Variants in KIF3B observed in about 807,000 individuals in gnomAD.
KIF3B encodes kinesin family member 3B.
KIF3B carries 38 observed loss-of-function variants against 74.3 expected under a neutral mutation model. The observed-to-expected ratio is 0.51, with a 90% confidence interval of 0.39 to 0.67. The LOEUF is 0.67. KIF3B is among the 30% of genes least tolerant of loss of function. KIF3B has a pLI of 0.00. For synonymous variants in KIF3B, 326 were observed against 342.5 expected (o/e 0.95, Z 0.53); for missense variants, 649 against 932.0 (o/e 0.70, Z 3.95).
At chr20:32,302,298 G>A (rs2122679902) in intron 1 of KIF3B, among the ~76,000 whole-genome samples, 1 of 152,314 alleles carries the variant, frequency 6.6e-6, no homozygotes, top group African/African-American at 2.4e-5. Context: ...GTTCAGTCTA[G>A]CTGGGTGAGT....
At chr20:32,287,313 A>G (rs1416540493) in intron 1 of KIF3B, among the ~76,000 whole-genome samples, 1 of 147,716 alleles carries the variant, frequency 6.8e-6, no homozygotes, top group Non-Finnish European at 1.5e-5. Context: ...ACCAGGCCCA[A>G]TCTATTTTTT....
chr20:32,323,431 C>A (rs1013223531), intron 5 of KIF3B, among the ~76,000 whole-genome samples: 13 of 151,628 alleles, frequency 8.6e-5, no homozygotes, highest in African/African-American at 3.1e-4. Flanking sequence ...GACAGAGTCT[C>A]ACTTTGTCGC....
chr20:32,323,044 TTA>T (rs1170368031), intron 5 of KIF3B, among the ~76,000 whole-genome samples: 2 of 58,068 alleles, frequency 3.4e-5, no homozygotes, highest in African/African-American at 2.0e-4. Flanking sequence ...ATATTTATAT[TTA>T]TATATATTTA....
At chr20:32,279,821 A>T (rs1451154072) in intron 1 of KIF3B, among the ~76,000 whole-genome samples, 2 of 152,218 alleles carry the variant, frequency 1.3e-5, no homozygotes, top group Non-Finnish European at 2.9e-5. Flanking sequence ...CCTCATTAAA[A>T]TGAGGGGACT....
At chr20:32,328,695 C>A (rs1425972592) in intron 7 of KIF3B, among the ~76,000 whole-genome samples, 1 of 151,684 alleles carries the variant, frequency 6.6e-6, no homozygotes, top group Non-Finnish European at 1.5e-5. Flanking sequence ...CAATGAACTT[C>A]AAAATGGCTC....
intron 2 of KIF3B, among the ~76,000 whole-genome samples, chr20:32,313,971 G>T (rs1336000740): frequency 6.6e-6 from 1 of 152,156 alleles, no homozygotes; most frequent in Non-Finnish European, 1.5e-5. Flanking sequence ...GTCTCCCAAA[G>T]TGTCAGGATT....
In KIF3B at chr20:32,330,178, G is replaced by T; in HGVS notation, c.2006G>T (p.Ser669Ile). ...NIVLLELDMP[S>I]RTTRDYEGPA... Reference sequence around the variant, plus strand: ...GTGCTGTTAGAGCTGGACATGCCCAGCCGGACCACCAGAGACTATGAGGGT... The same window carrying T: ...GTGCTGTTAGAGCTGGACATGCCCATCCGGACCACCAGAGACTATGAGGGT... The change falls in exon 8 of 9, where the codon AGC (serine) becomes ATC (isoleucine). Residue 669 changes from serine (S) to isoleucine (I), a missense_variant. Ser to Ile is a moderately radical substitution (Grantham distance 142, BLOSUM62 -2). This residue lies in a region of KIF3B where 186 missense variants were observed against 198.5 expected (regional missense o/e 0.94). Coordinates refer to ENST00000375712, the MANE Select transcript of KIF3B (RefSeq NM_004798.4). The T allele has an allele frequency of 6.2e-7, 1 of 1,614,056 alleles. No homozygotes were observed. Among genetic ancestry groups the T allele is most frequent in the Non-Finnish European group, 8.5e-7 (1 of 1,179,976 alleles).
chr20:32,309,927 C>G lies in KIF3B; in HGVS notation c.150C>G (p.Ala50=). 5.0e-6 allele frequency: 8 copies of G among 1,614,082 alleles called. No individual in the cohort carries two copies. Among genetic ancestry groups the G allele is most frequent in the Non-Finnish European group, 6.8e-6 (8 of 1,180,034 alleles). The change falls in exon 2 of 9, where the codon GCC becomes GCG. Residue 50 remains alanine (A), a synonymous_variant. Transcript: ENST00000375712. ...QVSVKNPKGT[A]HEMPKTFTFD... ...CTGTGAAGAACCCCAAAGGGACGGC[C>G]CATGAAATGCCCAAGACCTTCACCT... is the stretch of plus-strand genomic sequence containing the variant.
At chr20:32,327,447 C>A in intron 6 of KIF3B, 109 bp from the exon 7 acceptor site, 1 of 781,390 alleles carries the variant, frequency 1.3e-6, no homozygotes, top group Non-Finnish European at 2.2e-6. Context: ...GTCCCACTTA[C>A]GTCAGCCTGC....
intron 1 of KIF3B, among the ~76,000 whole-genome samples, chr20:32,297,264 C>A (rs1184384820): frequency 1.3e-5 from 2 of 152,204 alleles, no homozygotes; most frequent in Non-Finnish European, 2.9e-5. Context: ...ATTTGAGGTG[C>A]GTTAGTATGC....
chr20:32,327,680 G>T lies in KIF3B; in HGVS notation c.1968+19G>T. ...ATATAGGGTGAGAAGATCCTTCTTGGGTTTTTCTCCTGTCTCTTTTGGAGT... is the reference window on the plus strand; with the variant it reads ...ATATAGGGTGAGAAGATCCTTCTTGTGTTTTTCTCCTGTCTCTTTTGGAGT... On this transcript the variant is annotated intron_variant, in intron 7 of 8. Transcript: ENST00000375712. 3 of 1,589,746 alleles carry T rather than the reference G, an allele frequency of 1.9e-6. No homozygotes were observed. The highest frequency in any genetic ancestry group is 1.7e-5 in the Admixed American group (1 of 59,836).
At chr20:32,308,479 T>C (rs1026478541) in intron 1 of KIF3B, among the ~76,000 whole-genome samples, 1 of 152,298 alleles carries the variant, frequency 6.6e-6, no homozygotes, top group Admixed American at 6.5e-5. Flanking sequence ...GGCGCAGTCT[T>C]GGCTCTCTGC....
rs2047932624 is a variant in KIF3B, at chr20:32,331,943, T to C, written c.*624T>C. ...GGGACCTGCTCAGTGAGGAAATCTC[T>C]TCCAATTTCTGCTTCTGAATGATTC... is the stretch of plus-strand genomic sequence containing the variant. On this transcript the variant is annotated 3_prime_UTR_variant, in exon 9 of 9. Coordinates refer to ENST00000375712, the MANE Select transcript of KIF3B (RefSeq NM_004798.4). 1 of 152,734 alleles carries C rather than the reference T, an allele frequency of 6.5e-6. No individual in the cohort carries two copies. The highest frequency in any genetic ancestry group is 2.4e-5 in the African/African-American group (1 of 41,456). 9.5% of individuals were successfully genotyped at this position (152,734 alleles called of 1,614,324 possible). A position where few individuals can be genotyped will look rare whatever the true frequency, so the allele number is the denominator to read the frequency against.
Position 32,316,599 on chromosome 20 carries a change from T to C in KIF3B, c.1579T>C (p.Tyr527His), listed in dbSNP as rs1299342544. 2 of 1,614,048 alleles carry C rather than the reference T, an allele frequency of 1.2e-6. No individual in the cohort carries two copies. Among genetic ancestry groups the C allele is most frequent in the East Asian group, 2.2e-5 (1 of 44,874 alleles). The stretch of plus-strand genomic sequence containing the variant: ...GGAGACCTTGGAACTTAAAGAGACA[T>C]ACAGCTCATTGCAGCAAGAGGTGGA... Reference protein sequence around the residue: ...DEETLELKETYSSLQQEVDIK... With the variant: ...DEETLELKETHSSLQQEVDIK... The change falls in exon 4 of 9, where the codon TAC (tyrosine) becomes CAC (histidine). Residue 527 changes from tyrosine (Y) to histidine (H), a missense_variant. By Grantham distance (83) the Tyr-to-His change is moderately conservative. This residue lies in a region of KIF3B where 363 missense variants were observed against 592.8 expected (regional missense o/e 0.61). Transcript: ENST00000375712.
chr20:32,329,357 T>TC (rs1335858732), intron 7 of KIF3B, among the ~76,000 whole-genome samples: 1 of 150,958 alleles, frequency 6.6e-6, no homozygotes, highest in African/African-American at 2.4e-5. Context: ...TTTCTTTTTT[T>TC]TTTTTTTTTT....
At chr20:32,295,514 C>T (rs886563034) in intron 1 of KIF3B, among the ~76,000 whole-genome samples, 13 of 151,990 alleles carry the variant, frequency 8.6e-5, no homozygotes, top group Non-Finnish European at 1.9e-4. Context: ...AGGATGGTCT[C>T]GATCTCCTGA....
At chr20:32,324,695 C>A (rs913594951) in intron 5 of KIF3B, among the ~76,000 whole-genome samples, 1 of 152,060 alleles carries the variant, frequency 6.6e-6, no homozygotes, top group Admixed American at 6.6e-5. Context: ...CAAAGGGATT[C>A]TTTTAATGAT....
chr20:32,282,166 T>G (rs2047646364), intron 1 of KIF3B, among the ~76,000 whole-genome samples: 2 of 152,014 alleles, frequency 1.3e-5, no homozygotes, highest in African/African-American at 4.8e-5. Context: ...GGAGGCTAGT[T>G]AAGAGGTTAG....
chr20:32,295,904 G>A (rs749990890), intron 1 of KIF3B, among the ~76,000 whole-genome samples: 4 of 129,220 alleles, frequency 3.1e-5, no homozygotes, highest in East Asian at 2.3e-4. Context: ...TTGCACTGTC[G>A]CCTGGGCTGG....
Sources: allele counts gnomAD v4.1 joint callset (sites outside exome capture counted in the v4.1 genomes callset), GRCh38; gene constraint gnomAD v4.1.1; regional missense constraint gnomAD v4.1.1; transcripts MANE v1.5; gene names NCBI Gene and HGNC (gene_info 2026-07-23, HGNC 2026-07-21).